Variants in TXNDC11 observed in about 807,000 individuals in gnomAD.
TXNDC11 encodes the protein thioredoxin domain containing 11.
A neutral mutation model predicts 78.0 loss-of-function variants in TXNDC11; 68 were observed. The ratio of observed to expected loss-of-function variants is 0.87; its 90% confidence interval spans 0.72 to 1.07. The LOEUF (loss-of-function observed/expected upper bound fraction) is 1.07, where lower values mean the gene tolerates loss of function less well. Ranked by LOEUF, TXNDC11 falls within the 50% of genes least tolerant of loss-of-function variation. The pLI, the probability that TXNDC11 is intolerant of heterozygous loss-of-function variation, is 0.00. For synonymous variants in TXNDC11, 571 were observed against 495.2 expected (o/e 1.15, Z -2.03); for missense variants, 1,389 against 1,221.8 (o/e 1.14, Z -2.04).
chr16:11,723,133 C>A (rs768428774), intron 4 of TXNDC11, among the ~76,000 whole-genome samples: 2 of 151,788 alleles, frequency 1.3e-5, no homozygotes, highest in African/African-American at 4.8e-5. Flanking sequence ...TGGTACATGC[C>A]TGTAGTCCCA....
rs752545906 is a variant in TXNDC11 at position 11,691,839 on chromosome 16, C to T, written c.1351G>A (p.Gly451Arg). The T allele has an allele frequency of 6.1e-5, 99 of 1,614,126 alleles. No homozygotes were observed. The highest frequency in any genetic ancestry group is 7.7e-5 in the Non-Finnish European group (91 of 1,180,050). ...CTGACCGAGCTCGGCTTCATGCCCC[C>T]GGAGGTCTGGTTGACACAGAGTTCA... ...VCELCVNQTS[G>R]GMKPSSVSVP... The change falls in exon 8 of 12, where the codon GGG (glycine) becomes AGG (arginine). Residue 451 changes from glycine (G) to arginine (R), a missense_variant. Gly to Arg is a moderately radical substitution (Grantham distance 125). Transcript: ENST00000283033.
Position 11,684,168 on chromosome 16 carries a change from T to C in TXNDC11, c.2231A>G (p.Asn744Ser), listed in dbSNP as rs1567290384. ...AGTGACAAAAATTTGGCATTACCTG[T>C]TGCAGGGAAAAAACAAGACAGTAGG... ...RLPTVLFFPC[N>S]RKDLSVKYPE... The change falls in exon 11 of 12, where the codon AAC becomes AGC. Residue 744 changes from asparagine to serine, a missense_variant. Coordinates refer to ENST00000283033, the MANE Select transcript of TXNDC11 (RefSeq NM_015914.7). The C allele has an allele frequency of 3.1e-6, 5 of 1,613,408 alleles. No homozygotes were observed. Among genetic ancestry groups the C allele is most frequent in the Non-Finnish European group, 4.2e-6 (5 of 1,179,504 alleles).
chr16:11,729,503 T>C (rs1482557463), intron 4 of TXNDC11, among the ~76,000 whole-genome samples: 1 of 152,234 alleles, frequency 6.6e-6, no homozygotes, highest in African/African-American at 2.4e-5. Flanking sequence ...ACTGATGTTC[T>C]GGTGAAAAAA....
At chr16:11,726,201 A>G (rs1225491342) in intron 4 of TXNDC11, among the ~76,000 whole-genome samples, 2 of 144,890 alleles carry the variant, frequency 1.4e-5, no homozygotes, top group Non-Finnish European at 3.1e-5. Flanking sequence ...GTTTACAAAC[A>G]TAAAACCATG....
intron 1 of TXNDC11, among the ~76,000 whole-genome samples, chr16:11,738,766 G>A (rs563857899): frequency 4.6e-5 from 7 of 152,076 alleles, no homozygotes; most frequent in African/African-American, 9.6e-5. Context: ...CGTGGCTCAC[G>A]CCTGTAATCC....
chr16:11,722,121 T>G (rs1431285887), intron 4 of TXNDC11, among the ~76,000 whole-genome samples: 3 of 152,192 alleles, frequency 2.0e-5, no homozygotes, highest in African/African-American at 7.2e-5. Flanking sequence ...TCTCATTGAC[T>G]CCAAACATAC....
chr16:11,709,724 C>T (rs1001956795), intron 5 of TXNDC11, among the ~76,000 whole-genome samples: 1 of 151,922 alleles, frequency 6.6e-6, no homozygotes, highest in East Asian at 1.9e-4. Context: ...CGTGAGCCAC[C>T]GCGCCTGGCA....
At chr16:11,716,933 A>T (rs1467741237) in intron 5 of TXNDC11, among the ~76,000 whole-genome samples, 1 of 152,186 alleles carries the variant, frequency 6.6e-6, no homozygotes, top group Non-Finnish European at 1.5e-5. Flanking sequence ...TCTGTAGTTA[A>T]AGCAGGCATC....
At chr16:11,735,693 G>C (rs534008115) in intron 2 of TXNDC11, among the ~76,000 whole-genome samples, 1 of 152,110 alleles carries the variant, frequency 6.6e-6, no homozygotes, top group African/African-American at 2.4e-5. Flanking sequence ...TACCTAACTA[G>C]CAAGTATCAA....
chr16:11,680,727 C>T (rs2050402202), intron 11 of TXNDC11, among the ~76,000 whole-genome samples: 1 of 152,148 alleles, frequency 6.6e-6, no homozygotes, highest in Non-Finnish European at 1.5e-5. Context: ...TGGAAGTCAA[C>T]AGCAGGGACT....
intron 5 of TXNDC11, among the ~76,000 whole-genome samples, chr16:11,718,828 A>G (rs1183666419): frequency 6.6e-6 from 1 of 152,242 alleles, no homozygotes; most frequent in South Asian, 2.1e-4. Flanking sequence ...AAAGTAAATC[A>G]GACCACATTT....
At chr16:11,739,071 T>C (rs1030099496) in intron 1 of TXNDC11, among the ~76,000 whole-genome samples, 1 of 151,964 alleles carries the variant, frequency 6.6e-6, no homozygotes, top group Non-Finnish European at 1.5e-5. Flanking sequence ...TAATGCAATC[T>C]GAGGAAAAAT....
At chr16:11,729,760 A>C (rs1450328066) in intron 4 of TXNDC11, among the ~76,000 whole-genome samples, 1 of 152,130 alleles carries the variant, frequency 6.6e-6, no homozygotes, top group Non-Finnish European at 1.5e-5. Context: ...CAATAATCCC[A>C]ATACTGGCCT....
At chr16:11,706,073 C>T (rs1034083949) in intron 5 of TXNDC11, among the ~76,000 whole-genome samples, 3 of 152,100 alleles carry the variant, frequency 2.0e-5, no homozygotes, top group Non-Finnish European at 2.9e-5. Flanking sequence ...CCCTCCTCTA[C>T]TCAAAAAGGT....
At chr16:11,733,836 ATCTT>A (rs1385560982) in intron 3 of TXNDC11, 142 bp downstream of exon 3, 17 of 614,536 alleles carry the variant, frequency 2.8e-5, no homozygotes, top group Non-Finnish European at 4.5e-5. Context: ...GATTATCCAG[ATCTT>A]TCTTTTTTAA....
At chr16:11,694,392 G>A (rs911409534) in intron 7 of TXNDC11, among the ~76,000 whole-genome samples, 4 of 148,434 alleles carry the variant, frequency 2.7e-5, no homozygotes, top group East Asian at 4.1e-4. Flanking sequence ...CACCTGCCTC[G>A]GCCTCCCAGG....
At chr16:11,687,416 C>G (rs1021795925) in intron 10 of TXNDC11, among the ~76,000 whole-genome samples, 1 of 152,158 alleles carries the variant, frequency 6.6e-6, no homozygotes, top group Non-Finnish European at 1.5e-5. Flanking sequence ...ACATACAGTA[C>G]CCATGGAATC....
chr16:11,735,317 CTG>C (rs1263231394), intron 2 of TXNDC11, among the ~76,000 whole-genome samples: 2 of 152,218 alleles, frequency 1.3e-5, no homozygotes, highest in Non-Finnish European at 2.9e-5. Flanking sequence ...CCTGTTCTGA[CTG>C]TGCACTTACA....
At chr16:11,703,593 G>T in intron 5 of TXNDC11, 1 of 677,914 alleles carries the variant, frequency 1.5e-6, no homozygotes. Flanking sequence ...ATGCACATGT[G>T]TGGGTATAAT....
Sources: allele counts gnomAD v4.1 joint callset (sites outside exome capture counted in the v4.1 genomes callset), GRCh38; gene constraint gnomAD v4.1.1; transcripts MANE v1.5; gene names NCBI Gene and HGNC (gene_info 2026-07-23, HGNC 2026-07-21).